Variants in NALCN observed in about 807,000 individuals in gnomAD.
NALCN encodes sodium leak channel NALCN.
NALCN carries 111 observed loss-of-function variants against 225.3 expected under a neutral mutation model. That is an observed-to-expected ratio of 0.49 (90% confidence interval 0.42 to 0.58). The LOEUF (loss-of-function observed/expected upper bound fraction) is 0.58. NALCN is among the 20% of genes least tolerant of loss of function. The pLI, the probability that NALCN is intolerant of heterozygous loss-of-function variation, is 0.00. For missense variants in NALCN, 1,378 were observed against 2,202.4 expected, an observed-to-expected ratio of 0.63 and a Z score of 7.49; for synonymous variants, 764 against 769.0, an observed-to-expected ratio of 0.99 and a Z score of 0.11.
chr13:101,189,095 TGCCC>T (rs1468117581), intron 14 of NALCN, among the ~76,000 whole-genome samples: 1 of 152,196 alleles, frequency 6.6e-6, no homozygotes, highest in African/African-American at 2.4e-5. Flanking sequence ...GAAGTAGGGA[TGCCC>T]CTTATCCTCT....
Position 101,346,081 on chromosome 13 carries a change from C to A in NALCN, c.645-661G>T, listed in dbSNP as rs1248214055. Among the ~76,000 whole-genome samples, 37 of 88,764 alleles carry A rather than the reference C, an allele frequency of 4.2e-4. No homozygotes were observed. The East Asian group carries it at 6.6e-3, about 16-fold the overall frequency. The allele number at this position is 88,764 out of a possible 152,430, so 58.2% of individuals were successfully genotyped here. ...TTTCTCTCTCTCTCTCTCTCTCTCT[C>A]TCTCTCTATATATATATATATATAT... On this transcript the variant is annotated intron_variant, in intron 6 of 43. Transcript: ENST00000251127.
rs55688330 is a variant in NALCN at position 101,175,140 on chromosome 13, C to T, written c.1839+1160G>A. Among the ~76,000 whole-genome samples the T allele has an allele frequency of 3.1e-3, 466 of 152,296 alleles. 5 individuals carry two copies. Among genetic ancestry groups the T allele is most frequent in the African/African-American group, 0.011 (444 of 41,566 alleles). On this transcript the variant is annotated intron_variant, in intron 15 of 43. Coordinates refer to ENST00000251127, the MANE Select transcript of NALCN (RefSeq NM_052867.4). The stretch of plus-strand genomic sequence containing the variant: ...AAGACGGGGAAGAAATCATCTCTAG[C>T]AGAGCCGGGAAGATGCCCATTTGCC...
intron 15 of NALCN, among the ~76,000 whole-genome samples, chr13:101,166,807 G>A (rs1471019859): frequency 6.6e-6 from 1 of 152,180 alleles, no homozygotes; most frequent in Non-Finnish European, 1.5e-5. Flanking sequence ...CCAATGTCAT[G>A]AAGCTTTTGC....
chr13:101,399,360 A>G (rs1400448863), intron 1 of NALCN, among the ~76,000 whole-genome samples, 195 bp from the exon 2 acceptor site: 1 of 152,196 alleles, frequency 6.6e-6, no homozygotes, highest in African/African-American at 2.4e-5. Flanking sequence ...TTTTTCTCCC[A>G]AAGCAATGGA....
chr13:101,323,472 C>T (rs1225598787), intron 7 of NALCN, among the ~76,000 whole-genome samples: 1 of 152,214 alleles, frequency 6.6e-6, no homozygotes, highest in Non-Finnish European at 1.5e-5. Flanking sequence ...TTCTTAGATT[C>T]TATTTCCACA....
At chr13:101,152,554 A>C (rs1376353478) in intron 15 of NALCN, among the ~76,000 whole-genome samples, 1 of 152,230 alleles carries the variant, frequency 6.6e-6, no homozygotes, top group East Asian at 1.9e-4. Flanking sequence ...ATTTGCAGCA[A>C]GGCTAAGCTA....
intron 17 of NALCN, among the ~76,000 whole-genome samples, chr13:101,131,409 G>T (rs1367473212): frequency 6.6e-6 from 1 of 152,086 alleles, no homozygotes; most frequent in Non-Finnish European, 1.5e-5. Context: ...TTCCCAAACA[G>T]TTTAGTATTT....
At chr13:101,283,350 C>T (rs2043231043) in intron 10 of NALCN, among the ~76,000 whole-genome samples, 4 of 152,068 alleles carry the variant, frequency 2.6e-5, no homozygotes, top group Admixed American at 2.0e-4. Context: ...ATATTGTTGT[C>T]AATGGCAGCT....
At chr13:101,065,628 GAAA>G (rs113202388) in intron 39 of NALCN, 67 bp from the exon 40 acceptor site, 1 of 1,204,958 alleles carries the variant, frequency 8.3e-7, no homozygotes. Flanking sequence ...TTTCTCAAAA[GAAA>G]AAAAAAAAGG....
chr13:101,075,545 A>G (rs1195782582), intron 35 of NALCN, among the ~76,000 whole-genome samples: 1 of 151,886 alleles, frequency 6.6e-6, no homozygotes, highest in Admixed American at 6.5e-5. Context: ...CTTTATTGAA[A>G]ATAAAAATAA....
intron 37 of NALCN, 44 bp downstream of exon 37, chr13:101,073,540 G>T: frequency 6.7e-7 from 1 of 1,498,104 alleles, no homozygotes; most frequent in Non-Finnish European, 9.2e-7. Flanking sequence ...AGAGTTTCAT[G>T]CTGATTCTAA....
chr13:101,337,015 A>G (rs896863080), intron 7 of NALCN, among the ~76,000 whole-genome samples: 5 of 152,198 alleles, frequency 3.3e-5, no homozygotes, highest in Non-Finnish European at 7.3e-5. Context: ...ATTTTACATC[A>G]AAAGTAGTAT....
chr13:101,098,041 A>G lies in NALCN; in HGVS notation c.3163-2361T>C, dbSNP rs140026247. Among the ~76,000 whole-genome samples, 21 of 152,238 alleles carry G rather than the reference A, an allele frequency of 1.4e-4. No individual in the cohort carries two copies. The East Asian group carries it at 3.1e-3, about 22-fold the overall frequency. ...TCCAATCTCAGAAGCTGTGATTTCG[A>G]AGCCCATGCTCCTTCCTCCTTGTTC... is the stretch of plus-strand genomic sequence containing the variant. On this transcript the variant is annotated intron_variant, in intron 27 of 43. Transcript: ENST00000251127.
chr13:101,279,863 A>G (rs1234013497), intron 10 of NALCN, among the ~76,000 whole-genome samples: 1 of 149,926 alleles, frequency 6.7e-6, no homozygotes, highest in African/African-American at 2.4e-5. Flanking sequence ...AAATAAATAA[A>G]TAAATAAATA....
In NALCN at chr13:101,308,296, T is replaced by G. The variant is rs188646349; in HGVS notation, c.800-15930A>C. On this transcript the variant is annotated intron_variant, in intron 7 of 43. Transcript: ENST00000251127. ...GTTTCCTAGAATTTCCTGCAAGGAGTTGTGGCCTTGTGACAAAGTTCTTCC... is the reference window on the plus strand; with the variant it reads ...GTTTCCTAGAATTTCCTGCAAGGAGGTGTGGCCTTGTGACAAAGTTCTTCC... 5.9e-5 allele frequency among the ~76,000 whole-genome samples: 9 copies of G among 152,196 alleles called. 1 individual carries two copies. The South Asian group carries it at 8.3e-4, about 14-fold the overall frequency.
At chr13:101,240,578 T>G (rs1188249424) in intron 11 of NALCN, among the ~76,000 whole-genome samples, 4 of 152,118 alleles carry the variant, frequency 2.6e-5, no homozygotes, top group African/African-American at 9.6e-5. Flanking sequence ...ATTTTGGAGT[T>G]AATCATATGA....
chr13:101,184,440 T>C (rs1328988467), intron 14 of NALCN, among the ~76,000 whole-genome samples: 1 of 152,208 alleles, frequency 6.6e-6, no homozygotes, highest in African/African-American at 2.4e-5. Flanking sequence ...CTTTTTCTCC[T>C]CTGAAACAGC....
In NALCN at chr13:101,074,524, T is replaced by G; in HGVS notation, c.4093A>C (p.Asn1365His). The change falls in exon 36 of 44, where the codon AAT (asparagine) becomes CAT (histidine). Residue 1365 changes from asparagine (N) to histidine (H), a missense_variant. By Grantham distance (68) the Asn-to-His change is moderately conservative (BLOSUM62 1). Coordinates refer to ENST00000251127, the MANE Select transcript of NALCN (RefSeq NM_052867.4). Reference sequence around the variant, plus strand: ...TAAGTATATACCAACCTGTTAATATTCTCCCCATATTTCACAGTACCAAAT... The same window carrying G: ...TAAGTATATACCAACCTGTTAATATGCTCCCCATATTTCACAGTACCAAAT... ...VLFGTVKYGE[N>H]INRHANFSSA... The G allele has an allele frequency of 1.2e-6, 2 of 1,607,336 alleles. No individual in the cohort carries two copies. The highest frequency in any genetic ancestry group is 1.7e-6 in the Non-Finnish European group (2 of 1,178,404).
At chr13:101,107,670 A>T in intron 21 of NALCN, 28 bp downstream of exon 21, 1 of 1,613,938 alleles carries the variant, frequency 6.2e-7, no homozygotes, top group East Asian at 2.2e-5. Context: ...CCCGAATGAG[A>T]GCCATGGGAC....
Sources: gnomAD v4.1 joint callset for allele counts (sites outside exome capture counted in the v4.1 genomes callset) on GRCh38, gnomAD v4.1.1 for gene constraint, MANE v1.5 for transcripts, NCBI Gene and HGNC (gene_info 2026-07-23, HGNC 2026-07-21) for gene names.